The following SYTL2 variants were observed in gnomAD, a reference collection of about 807,000 sequenced individuals.
SYTL2 encodes the protein synaptotagmin like 2.
Under a neutral mutation model 198.7 loss-of-function variants are expected in SYTL2, and 165 were observed. That is an observed-to-expected ratio of 0.83 (90% CI 0.73 to 0.94). The LOEUF (loss-of-function observed/expected upper bound fraction) is 0.94. SYTL2 is among the 40% of genes least tolerant of loss of function. SYTL2 has a pLI of 0.00. For synonymous variants in SYTL2, 966 were observed against 917.7 expected, an observed-to-expected ratio of 1.05 and a Z score of -0.95; for missense variants, 2,835 against 2,582.8, an observed-to-expected ratio of 1.10 and a Z score of -2.12.
chr11:85,744,984 A>C (rs1037789298), intron 4 of SYTL2, among the ~76,000 whole-genome samples: 2 of 151,226 alleles, frequency 1.3e-5, no homozygotes, highest in African/African-American at 4.9e-5. Context: ...TAGGAAAAAC[A>C]CCAAAAAACC....
At chr11:85,831,166 T>C in the SYTL2 span, among the ~76,000 whole-genome samples, 1 of 152,206 alleles carries the variant, frequency 6.6e-6, no homozygotes, top group African/African-American at 2.4e-5. Context: ...TCATAATTCA[T>C]CAATTGTGTG....
chr11:85,801,358 A>G (rs966711663), intron 1 of SYTL2, among the ~76,000 whole-genome samples: 16 of 152,214 alleles, frequency 1.1e-4, no homozygotes, highest in African/African-American at 3.9e-4. Context: ...AAAAGTGGTA[A>G]ACATGCTTAA....
chr11:85,826,586 G>A, the SYTL2 span, among the ~76,000 whole-genome samples: 1 of 152,238 alleles, frequency 6.6e-6, no homozygotes, highest in South Asian at 2.1e-4. Context: ...CTGGTCTAGG[G>A]AGCCAGCGTC....
chr11:85,821,072 A>C, the SYTL2 span, among the ~76,000 whole-genome samples: 1 of 152,246 alleles, frequency 6.6e-6, no homozygotes, highest in African/African-American at 2.4e-5. Flanking sequence ...AGTCAGTGAA[A>C]TAAACAGGCA....
At chr11:85,735,338 T>G (rs542810634) in intron 6 of SYTL2, among the ~76,000 whole-genome samples, 2 of 152,146 alleles carry the variant, frequency 1.3e-5, no homozygotes, top group South Asian at 4.1e-4. Flanking sequence ...GAAAAGAAAA[T>G]TTCTCAAAAG....
the SYTL2 span, among the ~76,000 whole-genome samples, chr11:85,833,535 G>A: frequency 4.0e-5 from 6 of 151,408 alleles, no homozygotes; most frequent in African/African-American, 1.2e-4. Context: ...ACACTGGGGA[G>A]AAGTGAAGGG....
chr11:85,728,956 C>T (rs1014598221), intron 7 of SYTL2, among the ~76,000 whole-genome samples: 2 of 151,982 alleles, frequency 1.3e-5, no homozygotes, highest in African/African-American at 2.4e-5. Flanking sequence ...GTTTAAGAAC[C>T]GTGTTTTCAA....
intron 1 of SYTL2, among the ~76,000 whole-genome samples, chr11:85,794,073 C>T (rs1176785601): frequency 6.6e-6 from 1 of 152,134 alleles, no homozygotes; most frequent in Non-Finnish European, 1.5e-5. Flanking sequence ...TCTCACTATG[C>T]TGCCCAGGCT....
At chr11:85,835,763 G>A in the SYTL2 span, among the ~76,000 whole-genome samples, 1 of 152,162 alleles carries the variant, frequency 6.6e-6, no homozygotes, top group Non-Finnish European at 1.5e-5. Flanking sequence ...GGCTTCAAAT[G>A]TCAGTATGTA....
intron 1 of SYTL2, among the ~76,000 whole-genome samples, chr11:85,771,077 G>A (rs1183667105): frequency 6.6e-6 from 1 of 152,178 alleles, no homozygotes; most frequent in Non-Finnish European, 1.5e-5. Flanking sequence ...GTAACTTATA[G>A]ATATATCAAA....
At chr11:85,825,817 C>T in the SYTL2 span, among the ~76,000 whole-genome samples, 1 of 152,220 alleles carries the variant, frequency 6.6e-6, no homozygotes, top group Non-Finnish European at 1.5e-5. Context: ...CTCTTAACTT[C>T]TCTAAGACTG....
At chr11:85,843,476 G>A in the SYTL2 span, among the ~76,000 whole-genome samples, 1 of 152,138 alleles carries the variant, frequency 6.6e-6, no homozygotes, top group Non-Finnish European at 1.5e-5. Flanking sequence ...ACATAGCCTT[G>A]AGGAGGAGGG....
chr11:85,766,767 A>G (rs905906394), intron 1 of SYTL2, among the ~76,000 whole-genome samples: 1 of 152,246 alleles, frequency 6.6e-6, no homozygotes, highest in Admixed American at 6.5e-5. Flanking sequence ...GAAGTCTCAC[A>G]GAGCAGAAAG....
intron 4 of SYTL2, among the ~76,000 whole-genome samples, chr11:85,742,180 T>C (rs937384231): frequency 2.0e-5 from 3 of 152,184 alleles, no homozygotes; most frequent in Non-Finnish European, 4.4e-5. Flanking sequence ...CAGAGGTTTA[T>C]TGGCTACCTC....
chr11:85,849,962 T>C, the SYTL2 span, among the ~76,000 whole-genome samples: 1 of 146,390 alleles, frequency 6.8e-6, no homozygotes, highest in African/African-American at 2.5e-5. Context: ...TTTTATTTCG[T>C]TGAGCAGTGG....
intron 5 of SYTL2, 82 bp from the exon 6 acceptor site, chr11:85,736,697 T>G (rs1351353338): frequency 2.7e-6 from 2 of 733,782 alleles, no homozygotes; most frequent in East Asian, 2.6e-5. Flanking sequence ...TTATCTTCAA[T>G]TTTGATAGTT....
chr11:85,820,795 C>T, the SYTL2 span, among the ~76,000 whole-genome samples: 345 of 152,270 alleles, frequency 2.3e-3, 3 homozygotes, highest in Non-Finnish European at 1.8e-3. Context: ...TGTATACATA[C>T]GTAAAAAGAC....
chr11:85,854,451 A>C, the SYTL2 span: 13 of 152,182 alleles, frequency 8.5e-5, no homozygotes, highest in Non-Finnish European at 1.8e-4. Flanking sequence ...GAACAGCAAA[A>C]AGCGAAGAGT....
At chr11:85,846,135 G>C in the SYTL2 span, among the ~76,000 whole-genome samples, 1 of 152,152 alleles carries the variant, frequency 6.6e-6, no homozygotes, top group Non-Finnish European at 1.5e-5. Flanking sequence ...GGGTCAGCTA[G>C]AATGGTGGAC....
Sources: allele counts gnomAD v4.1 joint callset (sites outside exome capture counted in the v4.1 genomes callset), GRCh38; gene constraint gnomAD v4.1.1; transcripts MANE v1.5; gene names NCBI Gene and HGNC (gene_info 2026-07-23, HGNC 2026-07-21).